Variants in FAM81A observed in about 807,000 individuals in gnomAD.
FAM81A encodes protein FAM81A.
A neutral mutation model predicts 46.7 loss-of-function variants in FAM81A; 19 were observed. The observed-to-expected ratio is 0.41, with a 90% CI of 0.28 to 0.60. The LOEUF (loss-of-function observed/expected upper bound fraction) is 0.60. FAM81A is among the 20% of genes least tolerant of loss of function. The pLI, the probability that FAM81A is intolerant of heterozygous loss-of-function variation, is 0.34. For missense variants in FAM81A, 377 were observed against 453.5 expected (o/e 0.83, Z 1.53); for synonymous variants, 183 against 152.9 (o/e 1.20, Z -1.45).
chr15:59,484,450 G>A (rs1237408483), intron 3 of FAM81A, among the ~76,000 whole-genome samples: 2 of 152,178 alleles, frequency 1.3e-5, no homozygotes, highest in Non-Finnish European at 2.9e-5. Context: ...CACTGAAAGA[G>A]GCACTGAAGA....
chr15:59,503,683 G>A (rs552815261), intron 4 of FAM81A, among the ~76,000 whole-genome samples: 1 of 151,718 alleles, frequency 6.6e-6, no homozygotes, highest in Non-Finnish European at 1.5e-5. Context: ...AGCGATTCTT[G>A]TGCCTCAGCC....
intron 1 of FAM81A, among the ~76,000 whole-genome samples, chr15:59,447,750 C>T (rs1372044366): frequency 6.6e-6 from 1 of 152,074 alleles, no homozygotes; most frequent in Non-Finnish European, 1.5e-5. Flanking sequence ...GAGATAATTC[C>T]AGCAATTTGG....
chr15:59,521,390 A>G lies in FAM81A; in HGVS notation c.*12A>G, dbSNP rs1422025387. 1 of 1,596,606 alleles carries G rather than the reference A, an allele frequency of 6.3e-7. No homozygotes were observed. The highest frequency in any genetic ancestry group is 8.5e-7 in the Non-Finnish European group (1 of 1,171,152). ...AGACCCCCATGTGAAGGGAGCTGGG[A>G]CAAGGTCCTAAAAGACAGTTTTGCC... On this transcript the variant is annotated 3_prime_UTR_variant, in exon 9 of 9. Coordinates refer to ENST00000288228, the MANE Select transcript of FAM81A (RefSeq NM_152450.3).
intron 3 of FAM81A, among the ~76,000 whole-genome samples, chr15:59,467,876 A>C (rs2081634310): frequency 6.6e-6 from 1 of 152,188 alleles, no homozygotes; most frequent in African/African-American, 2.4e-5. Context: ...ATTTTGAGAT[A>C]CGTTCCATCA....
intron 3 of FAM81A, among the ~76,000 whole-genome samples, chr15:59,484,617 G>C (rs1178796141): frequency 6.6e-6 from 1 of 152,210 alleles, no homozygotes; most frequent in Admixed American, 6.5e-5. Context: ...AACCAGCAGT[G>C]ATAAGCAAGT....
chr15:59,435,071 G>A (rs946839441), upstream of FAM81A, among the ~76,000 whole-genome samples: 1 of 152,118 alleles, frequency 6.6e-6, no homozygotes. Context: ...GGTGGATCAC[G>A]AGGTTAAGAG....
chr15:59,435,184 G>C (rs1295153326), upstream of FAM81A, among the ~76,000 whole-genome samples: 10 of 151,692 alleles, frequency 6.6e-5, no homozygotes, highest in African/African-American at 2.4e-4. Flanking sequence ...CTCCTCGGGA[G>C]GCTGAGGCGG....
intron 1 of FAM81A, among the ~76,000 whole-genome samples, chr15:59,441,938 G>C (rs567474828): frequency 2.0e-5 from 3 of 152,170 alleles, no homozygotes; most frequent in Non-Finnish European, 4.4e-5. Flanking sequence ...CTCACTGGGC[G>C]CCCTCGCCCA....
chr15:59,519,331 G>C (rs2082302104), intron 8 of FAM81A, among the ~76,000 whole-genome samples: 1 of 151,952 alleles, frequency 6.6e-6, no homozygotes, highest in Non-Finnish European at 1.5e-5. Context: ...TGGGATTGTA[G>C]ATGTGCACCA....
chr15:59,474,034 A>T (rs1302943455), intron 3 of FAM81A, among the ~76,000 whole-genome samples: 6 of 152,110 alleles, frequency 3.9e-5, no homozygotes, highest in Non-Finnish European at 7.4e-5. Flanking sequence ...GCTATTTAAC[A>T]GTTCCTTCAT....
upstream of FAM81A, among the ~76,000 whole-genome samples, chr15:59,433,541 T>C (rs962763062): frequency 6.6e-6 from 1 of 152,150 alleles, no homozygotes; most frequent in African/African-American, 2.4e-5. Flanking sequence ...CAAAACATAA[T>C]ATTTGAGAGA....
intron 1 of FAM81A, among the ~76,000 whole-genome samples, chr15:59,447,253 G>A (rs1363805326): frequency 2.0e-5 from 3 of 152,184 alleles, no homozygotes; most frequent in Non-Finnish European, 2.9e-5. Context: ...GTCAAGATGT[G>A]TCAGGTAAGC....
At chr15:59,437,931 C>A (rs1471104958), upstream of FAM81A, among the ~76,000 whole-genome samples, 1 of 152,008 alleles carries the variant, frequency 6.6e-6, no homozygotes, top group Non-Finnish European at 1.5e-5. Flanking sequence ...GAAACAGCAG[C>A]GACGAGCAGA....
At chr15:59,401,144 G>A (rs1282227638) in intron 1 of FAM81A, 6 of 727,366 alleles carry the variant, frequency 8.2e-6, no homozygotes, top group Non-Finnish European at 2.6e-6. Context: ...CTGTTTGGTA[G>A]TATTCAGAAA....
intron 2 of FAM81A, chr15:59,407,781 G>T: frequency 4.3e-6 from 1 of 230,512 alleles, no homozygotes; most frequent in South Asian, 6.0e-5. Context: ...CCCCTTTGCT[G>T]GCAGCTTTCT....
intron 2 of FAM81A, among the ~76,000 whole-genome samples, chr15:59,410,439 T>C (rs1324441215): frequency 6.6e-6 from 1 of 152,232 alleles, no homozygotes; most frequent in Non-Finnish European, 1.5e-5. Flanking sequence ...AACTTAGCTC[T>C]TAACCTTAAG....
intron 5 of FAM81A, 29 bp from the exon 6 acceptor site, chr15:59,508,834 G>A: frequency 2.5e-6 from 4 of 1,574,078 alleles, no homozygotes; most frequent in Non-Finnish European, 3.5e-6. Context: ...CGTTAGATGT[G>A]ATATTTATAA....
intron 3 of FAM81A, among the ~76,000 whole-genome samples, chr15:59,485,754 A>G (rs1172398841): frequency 1.3e-5 from 2 of 152,272 alleles, no homozygotes; most frequent in African/African-American, 2.4e-5. Context: ...CCAGAAGTCA[A>G]TCCCAGAGAG....
upstream of FAM81A, among the ~76,000 whole-genome samples, chr15:59,433,627 A>G (rs1394768379): frequency 6.6e-6 from 1 of 152,202 alleles, no homozygotes; most frequent in Admixed American, 6.5e-5. Context: ...CGTATGAAAA[A>G]TCTATAATTT....
Sources: allele counts gnomAD v4.1 joint callset (sites outside exome capture counted in the v4.1 genomes callset), GRCh38; gene constraint gnomAD v4.1.1; transcripts MANE v1.5; gene names NCBI Gene and HGNC (gene_info 2026-07-23, HGNC 2026-07-21).